Variants in L3MBTL4 observed in about 807,000 individuals in gnomAD.
The protein encoded by L3MBTL4 is lethal(3)malignant brain tumor-like protein 4.
A neutral mutation model predicts 84.5 loss-of-function variants in L3MBTL4; 70 were observed. That is an observed-to-expected ratio of 0.83 (90% CI 0.68 to 1.01). L3MBTL4 has a LOEUF of 1.01. Ranked by LOEUF, L3MBTL4 falls within the 50% of genes least tolerant of loss-of-function variation. The pLI is 0.00. For missense variants in L3MBTL4, 715 were observed against 754.8 expected, an observed-to-expected ratio of 0.95 and a Z score of 0.62; for synonymous variants, 274 against 259.8, an observed-to-expected ratio of 1.05 and a Z score of -0.52.
intron 1 of L3MBTL4, among the ~76,000 whole-genome samples, chr18:6,377,520 T>C (rs2054417235): frequency 6.6e-6 from 1 of 152,160 alleles, no homozygotes; most frequent in Non-Finnish European, 1.5e-5. Context: ...CCCCTCCCTG[T>C]GTCCATGTGT....
At chr18:5,999,112 C>T (rs2054107742) in intron 16 of L3MBTL4, among the ~76,000 whole-genome samples, 1 of 152,218 alleles carries the variant, frequency 6.6e-6, no homozygotes, top group Admixed American at 6.5e-5. Context: ...AAGTTTCTTT[C>T]TGTCTCAGAT....
At chr18:6,318,645 C>T (rs2051246993) in intron 1 of L3MBTL4, among the ~76,000 whole-genome samples, 1 of 151,584 alleles carries the variant, frequency 6.6e-6, no homozygotes, top group Admixed American at 6.6e-5. Flanking sequence ...TACTATTAGA[C>T]CTAAAAAATG....
At chr18:6,267,794 A>G (rs1026486243) in intron 4 of L3MBTL4, among the ~76,000 whole-genome samples, 26 of 152,340 alleles carry the variant, frequency 1.7e-4, no homozygotes, top group African/African-American at 4.3e-4. Flanking sequence ...CAAGCAATAA[A>G]AGCTTTCATT....
chr18:5,968,266 G>A (rs548952375), intron 17 of L3MBTL4, among the ~76,000 whole-genome samples: 1 of 152,332 alleles, frequency 6.6e-6, no homozygotes, highest in South Asian at 2.1e-4. Flanking sequence ...GTTTCTCTAA[G>A]GCCTGACTAG....
rs141610307 is a variant in L3MBTL4 at position 6,182,148 on chromosome 18, C to G, written c.982-10206G>C. The stretch of plus-strand genomic sequence containing the variant: ...ATAAGCATTCCCTTTTCTCCACAAT[C>G]TTGCCAGTATCTGTTATTTTTTGAC... On this transcript the variant is annotated intron_variant, in intron 12 of 18. Transcript: ENST00000317931. 2.4e-3 allele frequency among the ~76,000 whole-genome samples: 364 copies of G among 152,326 alleles called. 3 individuals are homozygous for G. Among genetic ancestry groups the G allele is most frequent in the East Asian group, 0.014 (75 of 5,190 alleles).
intron 1 of L3MBTL4, among the ~76,000 whole-genome samples, chr18:6,362,202 AGGGAAGGAGGGAGGGAG>A (rs1249034466): frequency 3.6e-5 from 3 of 83,302 alleles, no homozygotes; most frequent in African/African-American, 1.7e-4. Flanking sequence ...GAAGGGAGGG[AGGGAAGGAGGGAGGGAG>A]GGGAGGGGAG....
rs2053519690 is a variant in L3MBTL4, at chr18:6,357,971, C to A, written c.-90-45915G>T. ...ACAAAACCATCACCACTAGAAAATG[C>A]CTTTGACCAAGCCTTGGACAGATGA... On this transcript the variant is annotated intron_variant, in intron 1 of 18. Transcript: ENST00000317931. 1.3e-5 allele frequency among the ~76,000 whole-genome samples: 2 copies of A among 152,176 alleles called. 1 individual carries two copies. The highest frequency in any genetic ancestry group is 4.8e-5 in the African/African-American group (2 of 41,444).
intron 14 of L3MBTL4, among the ~76,000 whole-genome samples, chr18:6,127,276 A>G (rs1202044353): frequency 1.3e-5 from 2 of 152,192 alleles, no homozygotes; most frequent in East Asian, 1.9e-4. Flanking sequence ...AAGCTTTCTT[A>G]AAACATTATA....
intron 14 of L3MBTL4, among the ~76,000 whole-genome samples, chr18:6,120,195 C>T (rs1027254381): frequency 6.6e-6 from 1 of 152,192 alleles, no homozygotes; most frequent in Non-Finnish European, 1.5e-5. Flanking sequence ...GTGCAACACT[C>T]GGTCCTCCCA....
intron 16 of L3MBTL4, among the ~76,000 whole-genome samples, chr18:6,038,251 C>CTTTTTTTTTTT (rs34580980): frequency 2.0e-5 from 2 of 97,862 alleles, no homozygotes; most frequent in East Asian, 3.1e-4. Context: ...ATTTCTGGAT[C>CTTTTTTTTTTT]TTTTTTTTTT....
Position 6,171,952 on chromosome 18 carries a change from C to A in L3MBTL4, c.982-10G>T, listed in dbSNP as rs201726754. On this transcript the variant is annotated splice_polypyrimidine_tract_variant and intron_variant, in intron 12 of 18. Transcript: ENST00000317931. ...AACCATCAAAATGAACCTGTTAAAA[C>A]GAGTTTTGAATGATTAGCATTTAGT... is the stretch of plus-strand genomic sequence containing the variant. The A allele has an allele frequency of 7.1e-7, 1 of 1,406,610 alleles. No homozygotes were observed. Among genetic ancestry groups the A allele is most frequent in the Non-Finnish European group, 9.8e-7 (1 of 1,020,282 alleles). The allele number at this position is 1,406,610 out of a possible 1,614,324, so 87.1% of individuals were successfully genotyped here.
chr18:6,184,279 G>A (rs568502335), intron 12 of L3MBTL4, among the ~76,000 whole-genome samples: 2 of 152,198 alleles, frequency 1.3e-5, no homozygotes, highest in Non-Finnish European at 2.9e-5. Context: ...CATCCGTCAC[G>A]GTAATTCGAC....
At chr18:5,971,569 G>A (rs999527573) in intron 16 of L3MBTL4, among the ~76,000 whole-genome samples, 2 of 152,180 alleles carry the variant, frequency 1.3e-5, no homozygotes, top group Non-Finnish European at 2.9e-5. Flanking sequence ...AATATGTCAA[G>A]TGATGGTGAT....
intron 16 of L3MBTL4, among the ~76,000 whole-genome samples, chr18:5,970,878 G>A (rs543004532): frequency 2.9e-4 from 44 of 152,312 alleles, no homozygotes; most frequent in African/African-American, 9.4e-4. Context: ...AACTACGAGC[G>A]AGCTTGTCCA....
Position 6,238,044 on chromosome 18 carries a change from C to A in L3MBTL4, c.708-4G>T. On this transcript the variant is annotated splice_region_variant and splice_polypyrimidine_tract_variant and intron_variant, in intron 9 of 18. Transcript: ENST00000317931. ...ATAAGGGCTATTAACATCGCACCTGCAAAAACAGAGCTCTATATTACGTTC... is the reference window on the plus strand; with the variant it reads ...ATAAGGGCTATTAACATCGCACCTGAAAAAACAGAGCTCTATATTACGTTC... The A allele has an allele frequency of 6.2e-7, 1 of 1,613,650 alleles. No homozygotes were observed. The highest frequency in any genetic ancestry group is 1.1e-5 in the South Asian group (1 of 91,076).
At chr18:6,277,032 C>G (rs1426111118) in intron 4 of L3MBTL4, among the ~76,000 whole-genome samples, 1 of 150,538 alleles carries the variant, frequency 6.6e-6, no homozygotes, top group Admixed American at 6.6e-5. Flanking sequence ...TTCTAGAGTA[C>G]AAGTTTCCAC....
chr18:6,251,811 C>G (rs898683488), intron 5 of L3MBTL4, among the ~76,000 whole-genome samples: 2 of 152,068 alleles, frequency 1.3e-5, no homozygotes, highest in African/African-American at 4.8e-5. Context: ...CAAGGGGAGT[C>G]TATAAAAGGC....
chr18:6,117,468 C>T (rs1435837218), intron 14 of L3MBTL4, among the ~76,000 whole-genome samples: 2 of 152,214 alleles, frequency 1.3e-5, no homozygotes, highest in African/African-American at 4.8e-5. Flanking sequence ...AAGCTGCCAA[C>T]AGCAACTGAT....
intron 16 of L3MBTL4, among the ~76,000 whole-genome samples, chr18:6,057,062 G>T (rs1026478757): frequency 4.7e-5 from 7 of 147,950 alleles, no homozygotes; most frequent in African/African-American, 1.8e-4. Flanking sequence ...ATGGAATCTC[G>T]CTCTCTCATC....
Sources: gnomAD v4.1 joint callset for allele counts (sites outside exome capture counted in the v4.1 genomes callset) on GRCh38, gnomAD v4.1.1 for gene constraint, MANE v1.5 for transcripts, NCBI Gene and HGNC (gene_info 2026-07-23, HGNC 2026-07-21) for gene names.